DOCK7: variants seen among roughly 807,000 people sequenced by gnomAD.
DOCK7 encodes dedicator of cytokinesis 7.
Under a neutral mutation model 271.0 loss-of-function variants are expected in DOCK7, and 138 were observed. That is an observed-to-expected ratio of 0.51 (90% CI 0.44 to 0.59). The LOEUF is 0.59. Ranked by LOEUF, DOCK7 falls within the 20% of genes least tolerant of loss-of-function variation. DOCK7 has a pLI of 0.00. For synonymous variants in DOCK7, 823 were observed against 876.1 expected (o/e 0.94, Z 1.07); for missense variants, 2,066 against 2,592.4 (o/e 0.80, Z 4.41).
chr1:62,598,093 T>C (rs1571705137), intron 14 of DOCK7: 3 of 1,528,386 alleles, frequency 2.0e-6, no homozygotes, highest in Non-Finnish European at 2.6e-6. Context: ...TTCATGTTTA[T>C]GTTTTCAATG....
intron 11 of DOCK7, among the ~76,000 whole-genome samples, chr1:62,630,578 C>G (rs1430263091): frequency 1.3e-5 from 2 of 152,092 alleles, no homozygotes; most frequent in Non-Finnish European, 2.9e-5. Context: ...CTCATGCACA[C>G]AGCTTTGGGA....
At chr1:62,680,954 AAC>A (rs1323689734) in intron 1 of DOCK7, among the ~76,000 whole-genome samples, 1 of 152,220 alleles carries the variant, frequency 6.6e-6, no homozygotes. Flanking sequence ...AAACTAATTC[AAC>A]CATTGTGGAA....
chr1:62,634,329 C>A, intron 9 of DOCK7: 1 of 148,102 alleles, frequency 6.8e-6, no homozygotes, highest in Non-Finnish European at 1.5e-5. Flanking sequence ...CAAAACTACC[C>A]AAAGCAATCT....
intron 37 of DOCK7, among the ~76,000 whole-genome samples, chr1:62,500,323 A>G (rs940153190): frequency 2.6e-5 from 4 of 152,212 alleles, no homozygotes; most frequent in African/African-American, 4.8e-5. Flanking sequence ...ATAATCAATT[A>G]CATGTGAGCT....
rs1269891210 is a variant in DOCK7, at chr1:62,539,565, T to A, written c.3280A>T (p.Ile1094Leu). Reference protein sequence around the residue: ...VMDRGFVFSLIKSCYKQVSSK... With the variant: ...VMDRGFVFSLLKSCYKQVSSK... The stretch of plus-strand genomic sequence containing the variant: ...ATTACCTGTTTATAGCAGGACTTTA[T>A]AAGGCTAAAAACAAATCCTCTGTCC... Residue 1094 changes from isoleucine (I) to leucine (L), a missense_variant, in exon 27 of 50, where the codon ATA (isoleucine) becomes TTA (leucine). Physicochemically the swap from Ile to Leu is conservative, Grantham distance 5. Coordinates refer to ENST00000635253, the MANE Select transcript of DOCK7 (RefSeq NM_001367561.1). The A allele has an allele frequency of 6.2e-7, 1 of 1,612,198 alleles. No individual in the cohort carries two copies. The highest frequency in any genetic ancestry group is 1.3e-5 in the African/African-American group (1 of 74,834).
chr1:62,604,946 G>A, intron 14 of DOCK7: 5 of 915,788 alleles, frequency 5.5e-6, no homozygotes, highest in Non-Finnish European at 6.7e-6. Flanking sequence ...TAAAGTCACT[G>A]TCTATTTAAG....
At chr1:62,474,309 A>C (rs761181559) in intron 47 of DOCK7, among the ~76,000 whole-genome samples, 2 of 152,210 alleles carry the variant, frequency 1.3e-5, no homozygotes, top group Non-Finnish European at 2.9e-5. Flanking sequence ...TTTATTCTTC[A>C]AAGAAACAGA....
rs143543446 is a variant in DOCK7, at chr1:62,610,618, C to T, written c.1682+8088G>A. Among the ~76,000 whole-genome samples, 762 of 152,198 alleles carry T rather than the reference C, an allele frequency of 5.0e-3. 4 individuals are homozygous for T. Among genetic ancestry groups the T allele is most frequent in the African/African-American group, 0.017 (719 of 41,540 alleles). On this transcript the variant is annotated intron_variant, in intron 14 of 49. Coordinates refer to ENST00000635253, the MANE Select transcript of DOCK7 (RefSeq NM_001367561.1). ...TCTCCTAATGCTATCCCTCCCCTAG[C>T]CCCACCCCGACAGGTCCCAGTGTGT...
intron 14 of DOCK7, among the ~76,000 whole-genome samples, chr1:62,606,805 G>A (rs1426361381): frequency 6.6e-6 from 1 of 152,022 alleles, no homozygotes; most frequent in Non-Finnish European, 1.5e-5. Flanking sequence ...CATGAATAAA[G>A]TTCCAAAATC....
intron 14 of DOCK7, among the ~76,000 whole-genome samples, chr1:62,591,546 G>T (rs182513667): frequency 6.6e-6 from 1 of 151,956 alleles, no homozygotes; most frequent in Admixed American, 6.6e-5. Flanking sequence ...TAAAAGAAAA[G>T]AAAAACTCAA....
intron 16 of DOCK7, among the ~76,000 whole-genome samples, chr1:62,582,549 C>CAAAAAAAAAAAAAAAAAA (rs34110232): frequency 5.9e-5 from 1 of 16,862 alleles, no homozygotes; most frequent in Non-Finnish European, 1.3e-4. Context: ...GACTCCGTCT[C>CAAAAAAAAAAAAAAAAAA]AAAAAAAAAA....
At chr1:62,471,432 TG>T (rs1480876936) in intron 48 of DOCK7, among the ~76,000 whole-genome samples, 1 of 151,852 alleles carries the variant, frequency 6.6e-6, no homozygotes, top group Non-Finnish European at 1.5e-5. Flanking sequence ...GAGGCTGAGG[TG>T]GGAGGATAGC....
chr1:62,593,526 C>G (rs1248484303), intron 14 of DOCK7, among the ~76,000 whole-genome samples: 1 of 151,964 alleles, frequency 6.6e-6, no homozygotes, highest in Non-Finnish European at 1.5e-5. Flanking sequence ...GCTGAGATCA[C>G]GACGCTGCAC....
Position 62,604,813 on chromosome 1 carries a change from A to C in DOCK7, c.1682+13893T>G, listed in dbSNP as rs761708356. The C allele has an allele frequency of 4.3e-6, 7 of 1,612,850 alleles. No homozygotes were observed. Among genetic ancestry groups the C allele is most frequent in the Middle Eastern group, 1.7e-4 (1 of 6,054 alleles). On this transcript the variant is annotated intron_variant, in intron 14 of 49. Coordinates refer to ENST00000635253, the MANE Select transcript of DOCK7 (RefSeq NM_001367561.1). ...CATCCAACAGATTCAGAAAGCTTTG[A>C]ATGAACTGAGGCAAATTTAAAAGGC... is the stretch of plus-strand genomic sequence containing the variant.
chr1:62,567,296 C>T (rs1646550959), intron 18 of DOCK7, among the ~76,000 whole-genome samples: 1 of 152,162 alleles, frequency 6.6e-6, no homozygotes, highest in African/African-American at 2.4e-5. Context: ...TGGAACCAAC[C>T]CAAATGCCCA....
chr1:62,475,959 GTCCTTCATT>G lies in DOCK7; in HGVS notation c.5725-25_5725-17del. 1 of 1,609,862 alleles carries G rather than the reference GTCCTTCATT, an allele frequency of 6.2e-7. No homozygotes were observed. ...GAATATATGCCTAGGAAAGAAAAAA[GTCCTTCATT>G]TCCTCACTGTTAAGTCATCATTTAG... On this transcript the variant is annotated splice_polypyrimidine_tract_variant and intron_variant, in intron 45 of 49. Transcript: ENST00000635253.
chr1:62,553,062 G>C (rs1281157577), intron 21 of DOCK7, among the ~76,000 whole-genome samples, 161 bp from the exon 22 acceptor site: 5 of 109,184 alleles, frequency 4.6e-5, no homozygotes, highest in African/African-American at 1.8e-4. Context: ...TTGAGACAGA[G>C]TCTCTCTCTG....
At chr1:62,646,732 T>C (rs1656716189) in intron 7 of DOCK7, among the ~76,000 whole-genome samples, 1 of 152,322 alleles carries the variant, frequency 6.6e-6, no homozygotes, top group South Asian at 2.1e-4. Flanking sequence ...ACGCATTCTA[T>C]GGTATTTTGT....
chr1:62,631,782 A>G (rs1389132825), intron 10 of DOCK7, among the ~76,000 whole-genome samples: 9 of 152,222 alleles, frequency 5.9e-5, no homozygotes, highest in Middle Eastern at 3.2e-3. Context: ...TTGTTACTCT[A>G]TAAAAGATGG....
Sources: allele counts gnomAD v4.1 joint callset (sites outside exome capture counted in the v4.1 genomes callset), GRCh38; gene constraint gnomAD v4.1.1; transcripts MANE v1.5; gene names NCBI Gene and HGNC (gene_info 2026-07-23, HGNC 2026-07-21).